The following PTPRD variants were observed in gnomAD, a reference collection of about 807,000 sequenced individuals.
PTPRD encodes receptor-type tyrosine-protein phosphatase delta.
In PTPRD, 34 loss-of-function variants were observed where a neutral mutation model predicts 214.5. The observed-to-expected ratio is 0.16, with a 90% CI of 0.12 to 0.21. The LOEUF (loss-of-function observed/expected upper bound fraction) is 0.21. Among genes scored for constraint, PTPRD ranks in the 10% least tolerant of loss-of-function variants. The pLI, the probability that PTPRD is intolerant of heterozygous loss-of-function variation, is 1.00. For missense variants in PTPRD, 2,545 were observed against 2,398.7 expected (o/e 1.06, Z -1.27); for synonymous variants, 1,128 against 845.7 (o/e 1.33, Z -5.79).
intron 37 of PTPRD, 23 bp downstream of exon 37, chr9:8,389,209 A>G (rs879205677): frequency 7.0e-6 from 11 of 1,579,678 alleles, no homozygotes; most frequent in Non-Finnish European, 9.4e-6. Context: ...TTTAAAAGGA[A>G]AGAGGTGGAT....
intron 8 of PTPRD, among the ~76,000 whole-genome samples, chr9:9,476,796 C>T (rs1225024669): frequency 7.2e-5 from 11 of 152,034 alleles, no homozygotes; most frequent in African/African-American, 9.7e-5. Context: ...AGGGCGATGG[C>T]ACCATCTTGG....
At chr9:10,309,522 C>CTTTTTTTT (rs771490425) in intron 3 of PTPRD, among the ~76,000 whole-genome samples, 1 of 83,172 alleles carries the variant, frequency 1.2e-5, no homozygotes. Flanking sequence ...CCAGCTATTT[C>CTTTTTTTT]TTTTTTTTTT....
chr9:9,557,402 C>T (rs1253471707), intron 8 of PTPRD, among the ~76,000 whole-genome samples: 1 of 152,134 alleles, frequency 6.6e-6, no homozygotes, highest in Non-Finnish European at 1.5e-5. Context: ...TAGCAGATAG[C>T]AAGCCCTGGA....
intron 8 of PTPRD, among the ~76,000 whole-genome samples, chr9:9,435,655 T>A (rs552550045): frequency 1.1e-3 from 172 of 152,278 alleles, no homozygotes; most frequent in African/African-American, 3.8e-3. Flanking sequence ...TAAGTAAAAG[T>A]TGCATATATC....
At chr9:8,850,868 C>A (rs2097795009) in intron 11 of PTPRD, among the ~76,000 whole-genome samples, 1 of 152,174 alleles carries the variant, frequency 6.6e-6, no homozygotes, top group South Asian at 2.1e-4. Flanking sequence ...CAAAATGTCC[C>A]TTTAGATGGG....
intron 8 of PTPRD, among the ~76,000 whole-genome samples, chr9:9,532,668 A>T (rs1003426840): frequency 5.3e-5 from 8 of 152,124 alleles, no homozygotes; most frequent in African/African-American, 1.9e-4. Flanking sequence ...TGTGATTCAG[A>T]TCATTTTGCA....
intron 2 of PTPRD, among the ~76,000 whole-genome samples, chr9:10,434,048 A>G (rs1254140691): frequency 6.6e-6 from 1 of 151,976 alleles, no homozygotes; most frequent in Non-Finnish European, 1.5e-5. Context: ...TCTGAATACT[A>G]TATTTTAAAT....
chr9:10,033,588 G>T (rs1403867475), intron 4 of PTPRD, 130 bp downstream of exon 4: 1 of 151,726 alleles, frequency 6.6e-6, no homozygotes, highest in Non-Finnish European at 1.5e-5. Context: ...TTTTAAAAAA[G>T]AATTATTCTG....
intron 2 of PTPRD, among the ~76,000 whole-genome samples, chr9:10,511,815 A>G (rs2048136074): frequency 6.8e-6 from 1 of 147,540 alleles, no homozygotes; most frequent in Admixed American, 6.8e-5. Context: ...CAACTTCTCC[A>G]TATACATCTT....
chr9:9,130,712 C>T lies in PTPRD; in HGVS notation c.-143+52592G>A, dbSNP rs117538064. ...TACTGACCTTCCTGAATTGTGATTA[C>T]CTGGGTGTTGCGTATGGATAACGAT... On this transcript the variant is annotated intron_variant, in intron 10 of 45. Coordinates refer to ENST00000381196, the MANE Select transcript of PTPRD (RefSeq NM_002839.4). Among the ~76,000 whole-genome samples the T allele has an allele frequency of 5.1e-3, 772 of 152,104 alleles. 5 individuals carry two copies. The highest frequency in any genetic ancestry group is 9.3e-3 in the Non-Finnish European group (631 of 67,990).
chr9:10,017,178 A>G (rs2096736249), intron 4 of PTPRD, among the ~76,000 whole-genome samples: 1 of 152,188 alleles, frequency 6.6e-6, no homozygotes, highest in Non-Finnish European at 1.5e-5. Context: ...TCTGGTGGAC[A>G]TCGAATATTA....
At chr9:9,954,688 C>T (rs1008373196) in intron 4 of PTPRD, among the ~76,000 whole-genome samples, 89 of 151,958 alleles carry the variant, frequency 5.9e-4, no homozygotes, top group African/African-American at 2.0e-3. Context: ...AATAGTAATC[C>T]TCCCTCCCAT....
At chr9:8,812,267 T>A (rs2096824527) in intron 11 of PTPRD, among the ~76,000 whole-genome samples, 2 of 152,320 alleles carry the variant, frequency 1.3e-5, no homozygotes, top group South Asian at 2.1e-4. Flanking sequence ...GATGTACATA[T>A]ATATTTATAG....
chr9:9,453,243 T>G (rs772556675), intron 8 of PTPRD, among the ~76,000 whole-genome samples: 1 of 151,638 alleles, frequency 6.6e-6, no homozygotes, highest in East Asian at 1.9e-4. Flanking sequence ...ATCTATATCA[T>G]GTAGTTACAT....
chr9:8,858,768 G>A (rs1484836631), intron 11 of PTPRD, among the ~76,000 whole-genome samples: 2 of 151,016 alleles, frequency 1.3e-5, no homozygotes, highest in African/African-American at 4.9e-5. Flanking sequence ...TAAAGGAGGG[G>A]CAGGCAGGAG....
chr9:9,347,877 C>G (rs1246471417), intron 9 of PTPRD, among the ~76,000 whole-genome samples: 1 of 152,126 alleles, frequency 6.6e-6, no homozygotes, highest in Non-Finnish European at 1.5e-5. Context: ...GCACACAGCT[C>G]ATTACCACTG....
chr9:8,685,466 T>C (rs1211241917), intron 12 of PTPRD, among the ~76,000 whole-genome samples: 1 of 152,150 alleles, frequency 6.6e-6, no homozygotes, highest in Non-Finnish European at 1.5e-5. Flanking sequence ...GAAGAACTCC[T>C]GTGGGCAAAC....
intron 11 of PTPRD, among the ~76,000 whole-genome samples, chr9:8,782,684 A>G (rs780918494): frequency 4.9e-5 from 7 of 142,166 alleles, no homozygotes; most frequent in South Asian, 4.4e-4. Flanking sequence ...TGCAACCTCC[A>G]CCTCCCGAGT....
intron 2 of PTPRD, among the ~76,000 whole-genome samples, chr9:10,386,540 T>C (rs1056867181): frequency 5.9e-5 from 9 of 151,842 alleles, no homozygotes; most frequent in African/African-American, 1.7e-4. Flanking sequence ...TTCACGCTAA[T>C]GGAGGGAAAG....
Sources: gnomAD v4.1 joint callset for allele counts (sites outside exome capture counted in the v4.1 genomes callset) on GRCh38, gnomAD v4.1.1 for gene constraint, MANE v1.5 for transcripts, NCBI Gene and HGNC (gene_info 2026-07-23, HGNC 2026-07-21) for gene names.